The following NHSL1 variants were observed in gnomAD, a reference collection of about 807,000 sequenced individuals.
NHSL1 encodes NHS like 1, also known as NHS-like protein 1.
NHSL1 carries 48 observed loss-of-function variants against 95.0 expected under a neutral mutation model. The observed-to-expected ratio is 0.51, with a 90% CI of 0.40 to 0.64. The LOEUF is 0.64. NHSL1 is among the 30% of genes least tolerant of loss of function. The pLI is 0.00. For synonymous variants in NHSL1, 783 were observed against 833.9 expected (o/e 0.94, Z 1.05); for missense variants, 1,971 against 2,077.7 (o/e 0.95, Z 1.00).
At chr6:138,439,802 T>G (rs1162282202) in intron 5 of NHSL1, among the ~76,000 whole-genome samples, 1 of 151,770 alleles carries the variant, frequency 6.6e-6, no homozygotes, top group Non-Finnish European at 1.5e-5. Context: ...AAAGCTATTT[T>G]CTTCCCTCCA....
chr6:138,615,437 T>C (rs1784566046), intron 1 of NHSL1, among the ~76,000 whole-genome samples: 1 of 152,234 alleles, frequency 6.6e-6, no homozygotes, highest in Non-Finnish European at 1.5e-5. Flanking sequence ...ACACCTTTTT[T>C]ATATGGAAAT....
rs1177182975 is a variant in NHSL1, at chr6:138,453,942, ATACT to A, written c.340-6753_340-6750del. On this transcript the variant is annotated intron_variant, in intron 3 of 7. Transcript: ENST00000343505. ...CGATCCTTTCCTCAAATGAAAGAAA[ATACT>A]TAATTAGAACATATATGTTTAAACT... 3.3e-5 allele frequency among the ~76,000 whole-genome samples: 5 copies of A among 151,248 alleles called. No homozygotes were observed. In the East Asian group the frequency reaches 9.6e-4, roughly 29 times the overall value.
intron 1 of NHSL1, among the ~76,000 whole-genome samples, chr6:138,665,889 C>G (rs1222547857): frequency 6.6e-6 from 1 of 152,178 alleles, no homozygotes; most frequent in Non-Finnish European, 1.5e-5. Flanking sequence ...CAGTTTAAGC[C>G]CCAGGCTCTC....
chr6:138,451,746 T>G (rs1400001060), intron 3 of NHSL1, among the ~76,000 whole-genome samples: 1 of 152,214 alleles, frequency 6.6e-6, no homozygotes, highest in Non-Finnish European at 1.5e-5. Context: ...AAGCCAGAAC[T>G]GACCCCAAAG....
chr6:138,581,075 G>A (rs1784048713), intron 1 of NHSL1, among the ~76,000 whole-genome samples: 1 of 152,200 alleles, frequency 6.6e-6, no homozygotes, highest in African/African-American at 2.4e-5. Flanking sequence ...CCAACACTTT[G>A]ATTTCAGATT....
chr6:138,656,508 CAGCACCTGTG>C (rs1336021960), intron 1 of NHSL1, among the ~76,000 whole-genome samples: 4 of 152,160 alleles, frequency 2.6e-5, no homozygotes, highest in African/African-American at 9.7e-5. Flanking sequence ...TGCAGAAGAT[CAGCACCTGTG>C]AGCTGAAATG....
At chr6:138,612,774 T>A (rs1338980529) in intron 1 of NHSL1, among the ~76,000 whole-genome samples, 3 of 152,216 alleles carry the variant, frequency 2.0e-5, no homozygotes, top group Non-Finnish European at 2.9e-5. Context: ...TAAAAATCTA[T>A]CTTCCTTTTA....
At chr6:138,671,623 A>T (rs1227620807) in intron 1 of NHSL1, among the ~76,000 whole-genome samples, 2 of 152,162 alleles carry the variant, frequency 1.3e-5, no homozygotes, top group African/African-American at 4.8e-5. Context: ...TCTAGATTAG[A>T]TTAAATCAGA....
At chr6:138,517,813 A>G (rs1781516821) in intron 1 of NHSL1, among the ~76,000 whole-genome samples, 1 of 152,348 alleles carries the variant, frequency 6.6e-6, no homozygotes, top group Admixed American at 6.5e-5. Flanking sequence ...CCACTGAAGC[A>G]GCTCCCAGAG....
intron 1 of NHSL1, among the ~76,000 whole-genome samples, chr6:138,514,470 A>G (rs911408901): frequency 2.0e-5 from 3 of 152,224 alleles, no homozygotes; most frequent in Non-Finnish European, 4.4e-5. Flanking sequence ...CATATGCTAC[A>G]TTTATTCCTA....
chr6:138,668,523 T>C (rs1395240948), intron 1 of NHSL1, among the ~76,000 whole-genome samples: 1 of 152,144 alleles, frequency 6.6e-6, no homozygotes, highest in African/African-American at 2.4e-5. Context: ...AACATCATGT[T>C]GCACCCCATA....
At chr6:138,489,484 T>C (rs894776101) in intron 2 of NHSL1, among the ~76,000 whole-genome samples, 4 of 152,074 alleles carry the variant, frequency 2.6e-5, no homozygotes, top group Non-Finnish European at 5.9e-5. Flanking sequence ...AACAGGAAGA[T>C]GGCTGGGTGT....
At chr6:138,425,988 T>G (rs1488489598) in intron 7 of NHSL1, among the ~76,000 whole-genome samples, 1 of 152,210 alleles carries the variant, frequency 6.6e-6, no homozygotes, top group African/African-American at 2.4e-5. Flanking sequence ...CCTGTAGGTA[T>G]TTCTTGTCCT....
intron 1 of NHSL1, among the ~76,000 whole-genome samples, chr6:138,545,287 T>C (rs997208043): frequency 1.3e-5 from 2 of 152,202 alleles, no homozygotes; most frequent in African/African-American, 4.8e-5. Context: ...AAAATTTCTC[T>C]ACTACTGCTG....
chr6:138,454,874 C>T (rs1181875585), intron 3 of NHSL1, among the ~76,000 whole-genome samples: 4 of 152,342 alleles, frequency 2.6e-5, no homozygotes, highest in South Asian at 2.1e-4. Context: ...CAGTCCCTGG[C>T]GCCTGAGCCT....
Position 138,431,272 on chromosome 6 carries a change from G to A in NHSL1, c.3073C>T (p.Pro1025Ser), listed in dbSNP as rs1388823216. The change falls in exon 6 of 8, where the codon CCT (proline) becomes TCT (serine). Residue 1025 changes from proline (P) to serine (S), a missense_variant. This residue lies in a region of NHSL1 where 1,602 missense variants were observed against 1,654.5 expected (regional missense o/e 0.97). Coordinates refer to ENST00000343505, the MANE Select transcript of NHSL1 (RefSeq NM_001144060.2). This position sits in a 1 kb window ranked among gnomAD's most constrained non-coding sequence, Gnocchi z 4.0. ...TCTTTCATGAATTTGGGGTCAAGAGGTGGGGCAGGTGGGGGTTCCGAGGAA... is the reference window on the plus strand; with the variant it reads ...TCTTTCATGAATTTGGGGTCAAGAGATGGGGCAGGTGGGGGTTCCGAGGAA... The part of the protein sequence containing the change: ...LPSSEPPPAP[P>S]LDPKFMKDTR... 1 of 1,503,702 alleles carries A rather than the reference G, an allele frequency of 6.7e-7. No homozygotes were observed. The highest frequency in any genetic ancestry group is 2.5e-5 in the East Asian group (1 of 40,498). The allele number at this position is 1,503,702 out of a possible 1,614,324, so 93.1% of individuals were successfully genotyped here. A position where few individuals can be genotyped will look rare whatever the true frequency, so the allele number is the denominator to read the frequency against.
chr6:138,572,057 G>A (rs1783859965), exon 1 of NHSL1: 1 of 626,794 alleles, frequency 1.6e-6, no homozygotes, highest in Non-Finnish European at 2.7e-6. Flanking sequence ...CCAAAAAGAC[G>A]GCTTCTGTGT....
At chr6:138,567,605 C>T (rs545542495) in intron 1 of NHSL1, among the ~76,000 whole-genome samples, 76 of 152,176 alleles carry the variant, frequency 5.0e-4, no homozygotes, top group Non-Finnish European at 7.5e-4. Context: ...AAGGATCCTG[C>T]TTTCTGCAAC....
At position 138,490,689 on chromosome 6, in the gene NHSL1, G is replaced by C. The variant is rs529711347; in HGVS notation, c.211+5530C>G. On this transcript the variant is annotated intron_variant, in intron 2 of 7. Transcript: ENST00000343505. ...CACTCTGTCACCAGGCTGGAGTGCA[G>C]TGGCACAATCTCAGCCCACTGCAGC... is the stretch of plus-strand genomic sequence containing the variant. Among the ~76,000 whole-genome samples, 3 of 152,218 alleles carry C rather than the reference G, an allele frequency of 2.0e-5. No individual in the cohort carries two copies. The South Asian group carries it at 6.2e-4, about 32-fold the overall frequency.
Sources: gnomAD v4.1 joint callset for allele counts (sites outside exome capture counted in the v4.1 genomes callset) on GRCh38, gnomAD v4.1.1 for gene constraint, gnomAD v4.1.1 regional missense constraint, Gnocchi (gnomAD v3.1) non-coding constraint, MANE v1.5 for transcripts, NCBI Gene and HGNC (gene_info 2026-07-23, HGNC 2026-07-21) for gene names.